PLAAT5: variants seen among roughly 807,000 people sequenced by gnomAD.
PLAAT5 encodes the protein phospholipase A and acyltransferase 5, also known as Ca(2+)-independent N-acyltransferase.
PLAAT5 carries 27 observed loss-of-function variants against 27.8 expected under a neutral mutation model. That is an observed-to-expected ratio of 0.97 (90% confidence interval 0.72 to 1.34). The LOEUF (loss-of-function observed/expected upper bound fraction) is 1.34. Among genes scored for constraint, PLAAT5 ranks in the 40% most tolerant of loss-of-function variants. The probability of loss-of-function intolerance (pLI) is 0.00; values close to 1 mark genes in which losing one functional copy is unlikely to be tolerated. For synonymous variants in PLAAT5, 125 were observed against 136.1 expected (o/e 0.92, Z 0.57); for missense variants, 368 against 343.8 (o/e 1.07, Z -0.56).
Position 63,490,903 on chromosome 11 carries a change from T to C in PLAAT5, c.132A>G (p.Ser44=), listed in dbSNP as rs565348661. 1.9e-6 allele frequency: 3 copies of C among 1,603,634 alleles called. No homozygotes were observed. The highest frequency in any genetic ancestry group is 1.4e-5 in the African/African-American group (1 of 73,944). ...GGGGCTGACCTGAGTGGGGCACAGC[T>C]GAACGTCTGAGCGCAGGCGGCTGGT... is the stretch of plus-strand genomic sequence containing the variant. ...PKDQPPALRR[S]AVPHSEESVG... is the part of the protein sequence containing the mutation. The change falls in exon 1 of 6, where the codon TCA becomes TCG. Residue 44 remains serine, a synonymous_variant. Transcript: ENST00000540857.
intron 3 of PLAAT5, among the ~76,000 whole-genome samples, chr11:63,480,439 C>T (rs766400987): frequency 2.6e-4 from 40 of 152,194 alleles, no homozygotes; most frequent in Non-Finnish European, 5.0e-4. Context: ...TTTTCTTTTG[C>T]ATTTTAATAC....
chr11:63,474,468 T>G (rs559709848), intron 3 of PLAAT5, among the ~76,000 whole-genome samples: 1 of 152,268 alleles, frequency 6.6e-6, no homozygotes, highest in Non-Finnish European at 1.5e-5. Context: ...TTGCTTAAAG[T>G]TTTTCATAGT....
intron 3 of PLAAT5, among the ~76,000 whole-genome samples, chr11:63,476,755 T>C (rs1039388525): frequency 1.3e-5 from 2 of 152,198 alleles, no homozygotes; most frequent in Non-Finnish European, 2.9e-5. Context: ...CAGTTATCTT[T>C]TATATAGGTA....
Position 63,466,109 on chromosome 11 carries a change from C to G in PLAAT5, c.717+1G>C. ...CATCATCAGAGCAAATGGGGTCACACCTGCTGGCTCCGGGGTACGCCATAT... is the reference window on the plus strand; with the variant it reads ...CATCATCAGAGCAAATGGGGTCACAGCTGCTGGCTCCGGGGTACGCCATAT... On this transcript the variant is annotated splice_donor_variant, in intron 5 of 5. Transcript: ENST00000540857. LOFTEE classifies it high-confidence loss of function. The G allele has an allele frequency of 6.2e-7, 1 of 1,613,190 alleles. No individual in the cohort carries two copies. The highest frequency in any genetic ancestry group is 8.5e-7 in the Non-Finnish European group (1 of 1,179,612).
At chr11:63,472,426 A>G (rs1337153507) in intron 3 of PLAAT5, among the ~76,000 whole-genome samples, 1 of 152,208 alleles carries the variant, frequency 6.6e-6, no homozygotes, top group Non-Finnish European at 1.5e-5. Flanking sequence ...CTTTTTCAGT[A>G]TCACTTTGGC....
chr11:63,478,630 T>G (rs1036857855), intron 3 of PLAAT5, among the ~76,000 whole-genome samples: 3 of 152,250 alleles, frequency 2.0e-5, no homozygotes, highest in Admixed American at 6.5e-5. Flanking sequence ...CTTTCTTAAA[T>G]TAACCCTTCT....
intron 5 of PLAAT5, among the ~76,000 whole-genome samples, chr11:63,464,613 G>A (rs963368140): frequency 1.2e-4 from 18 of 151,812 alleles, no homozygotes; most frequent in South Asian, 4.2e-4. Context: ...CCGAGATCAC[G>A]CCATCGCACT....
At chr11:63,476,597 C>T (rs2016156676) in intron 3 of PLAAT5, among the ~76,000 whole-genome samples, 1 of 152,096 alleles carries the variant, frequency 6.6e-6, no homozygotes, top group African/African-American at 2.4e-5. Context: ...TTGTGCATCT[C>T]TTGTATACAA....
chr11:63,475,102 G>A (rs914054838), intron 3 of PLAAT5, among the ~76,000 whole-genome samples: 1 of 152,056 alleles, frequency 6.6e-6, no homozygotes, highest in African/African-American at 2.4e-5. Flanking sequence ...ACACTCATGT[G>A]TGCTAGAGAA....
At position 63,491,144 on chromosome 11, in the gene PLAAT5, G is replaced by C. The variant is rs1411200992; in HGVS notation, c.-110C>G. The C allele has an allele frequency of 1.0e-6, 1 of 1,001,828 alleles. No individual in the cohort carries two copies. The highest frequency in any genetic ancestry group is 4.1e-5 in the Admixed American group (1 of 24,444). The allele number at this position is 1,001,828 out of a possible 1,614,324, so 62.1% of individuals were successfully genotyped here. On this transcript the variant is annotated 5_prime_UTR_variant, in exon 1 of 6. Transcript: ENST00000540857. ...GCGGAGCCGCGGAAGCTTGGGCACT[G>C]GGGGCGGCTCGGGGAGGAACCGCGG...
chr11:63,482,229 C>A (rs535392550), intron 3 of PLAAT5, among the ~76,000 whole-genome samples: 160 of 152,216 alleles, frequency 1.1e-3, no homozygotes, highest in African/African-American at 3.6e-3. Context: ...CCTGGCCTTA[C>A]CACAGATCTA....
intron 3 of PLAAT5, among the ~76,000 whole-genome samples, chr11:63,473,039 G>A (rs1338004102): frequency 6.6e-6 from 1 of 152,066 alleles, no homozygotes; most frequent in African/African-American, 2.4e-5. Context: ...GAATCCGGGA[G>A]GCAGAGGTGG....
chr11:63,463,655 T>C (rs1342169874), intron 5 of PLAAT5, 60 bp from the exon 6 acceptor site: 1 of 1,325,792 alleles, frequency 7.5e-7, no homozygotes, highest in Non-Finnish European at 1.1e-6. Context: ...CACCCTCCCC[T>C]ACCTCCACCC....
At chr11:63,477,590 C>T (rs920746007) in intron 3 of PLAAT5, among the ~76,000 whole-genome samples, 2 of 152,132 alleles carry the variant, frequency 1.3e-5, no homozygotes, top group Non-Finnish European at 2.9e-5. Flanking sequence ...ATTCTCCTGC[C>T]TCAGCCTCCT....
chr11:63,472,134 A>T (rs1306309145), intron 3 of PLAAT5, among the ~76,000 whole-genome samples: 1 of 152,014 alleles, frequency 6.6e-6, no homozygotes, highest in Non-Finnish European at 1.5e-5. Flanking sequence ...TGCACAAACC[A>T]CCATAGCACA....
chr11:63,483,782 AAAATATATATATATATATGTATATATAT>A (rs1257257724), intron 3 of PLAAT5, among the ~76,000 whole-genome samples: 1 of 80,526 alleles, frequency 1.2e-5, no homozygotes, highest in Non-Finnish European at 2.2e-5. Context: ...AAGCAAAAAA[AAAATATATATATATATATGTATATATAT>A]ATATATATAT....
Position 63,463,267 on chromosome 11 carries a change from G to T in PLAAT5, c.*236C>A. 1.8e-6 allele frequency: 1 copy of T among 550,690 alleles called. No homozygotes were observed. The highest frequency in any genetic ancestry group is 2.4e-5 in the South Asian group (1 of 41,272). 34.1% of individuals were successfully genotyped at this position (550,690 alleles called of 1,614,324 possible). On this transcript the variant is annotated 3_prime_UTR_variant, in exon 6 of 6. Coordinates refer to ENST00000540857, the MANE Select transcript of PLAAT5 (RefSeq NM_001146729.2). ...ATCCGTATATGAAATGCCTAGCACA[G>T]TGCCTGGCGCATAAGAGATACACAC...
intron 3 of PLAAT5, among the ~76,000 whole-genome samples, chr11:63,469,091 C>T (rs909031869): frequency 7.0e-6 from 1 of 143,788 alleles, no homozygotes; most frequent in Admixed American, 6.9e-5. Flanking sequence ...CAAATGCAAA[C>T]TTCTCTATTA....
intron 4 of PLAAT5, 111 bp downstream of exon 4, chr11:63,468,245 AG>A: frequency 1.2e-6 from 1 of 806,544 alleles, no homozygotes; most frequent in South Asian, 1.6e-5. Context: ...TCATGCTTCA[AG>A]GGGTCCCATT....
Sources: gnomAD v4.1 joint callset for allele counts (sites outside exome capture counted in the v4.1 genomes callset) on GRCh38, gnomAD v4.1.1 for gene constraint, MANE v1.5 for transcripts, NCBI Gene and HGNC (gene_info 2026-07-23, HGNC 2026-07-21) for gene names.